NRG4: variants seen among roughly 807,000 people sequenced by gnomAD.
The protein encoded by NRG4 is pro-neuregulin-4, membrane-bound isoform.
In NRG4, 10 loss-of-function variants were observed where a neutral mutation model predicts 15.0. The ratio of observed to expected loss-of-function variants is 0.67; its 90% confidence interval spans 0.41 to 1.13. NRG4 has a LOEUF of 1.13. NRG4 is among the 50% of genes most tolerant of loss of function. The pLI, the probability that NRG4 is intolerant of heterozygous loss-of-function variation, is 0.00. For synonymous variants in NRG4, 41 were observed against 50.1 expected, an observed-to-expected ratio of 0.82 and a Z score of 0.77; for missense variants, 139 against 140.2, an observed-to-expected ratio of 0.99 and a Z score of 0.04.
rs376329611 is a variant in NRG4 at position 76,050,973 on chromosome 15, T to TTTTATTTATTTA, written c.-105+1082_-105+1093dup. Among the ~76,000 whole-genome samples the TTTTATTTATTTA allele has an allele frequency of 2.7e-3, 401 of 147,686 alleles. 23 individuals carry two copies. The highest frequency in any genetic ancestry group is 0.01 in the African/African-American group (389 of 38,818). On this transcript the variant is annotated intron_variant, in intron 4 of 8. Coordinates refer to the NRG4 transcript ENST00000563910. ...GGTGTGTGCCACCATGCCTGCCTAT[T>TTTTATTTATTTA]TTTATTTATTTATTTATTTATTTAT...
At chr15:76,051,029 G>A (rs979221805) in intron 4 of NRG4, among the ~76,000 whole-genome samples, 1 of 147,666 alleles carries the variant, frequency 6.8e-6, no homozygotes, top group African/African-American at 2.6e-5. Context: ...TTTTTGAGAT[G>A]GAGTCTCGCT....
intron 4 of NRG4, among the ~76,000 whole-genome samples, chr15:75,957,764 A>C (rs1409853392): frequency 6.6e-6 from 1 of 151,822 alleles, no homozygotes; most frequent in Non-Finnish European, 1.5e-5. Context: ...ATGCTTCTTG[A>C]CTTCTCTTCA....
At chr15:76,055,638 T>C (rs2036134499) in intron 2 of NRG4, among the ~76,000 whole-genome samples, 2 of 152,084 alleles carry the variant, frequency 1.3e-5, no homozygotes, top group African/African-American at 2.4e-5. Flanking sequence ...TTAATTTCCA[T>C]GTAGAATATA....
At chr15:76,008,158 T>A (rs1250311882) in intron 3 of NRG4, among the ~76,000 whole-genome samples, 1 of 152,168 alleles carries the variant, frequency 6.6e-6, no homozygotes, top group East Asian at 1.9e-4. Flanking sequence ...GTAAATAGAT[T>A]AAAAAAGAAG....
chr15:75,998,960 A>G, intron 3 of NRG4, among the ~76,000 whole-genome samples: 1 of 152,180 alleles, frequency 6.6e-6, no homozygotes, highest in East Asian at 1.9e-4. Context: ...GGTGCAAGGG[A>G]GTGCCGCAAA....
At chr15:76,051,421 G>T (rs1007423585) in intron 4 of NRG4, among the ~76,000 whole-genome samples, 19 of 150,770 alleles carry the variant, frequency 1.3e-4, no homozygotes, top group Admixed American at 6.6e-5. Flanking sequence ...GATTATAGGC[G>T]TGAGTCACTG....
At chr15:76,046,537 A>T (rs1327942569) in intron 4 of NRG4, among the ~76,000 whole-genome samples, 1 of 151,272 alleles carries the variant, frequency 6.6e-6, no homozygotes, top group Non-Finnish European at 1.5e-5. Flanking sequence ...GAGAATCCAG[A>T]TGTAAATCCA....
Position 76,019,590 on chromosome 15 carries a change from TA to T in NRG4, c.-56-8305del, listed in dbSNP as rs564455816. Among the ~76,000 whole-genome samples the T allele has an allele frequency of 1.7e-3, 256 of 152,322 alleles. 2 individuals are homozygous for T. Among genetic ancestry groups the T allele is most frequent in the African/African-American group, 6.0e-3 (250 of 41,574 alleles). ...ACCGTCCCTCATGGCTTCCCTTGGC[TA>T]GGGGGGTAGTTCCCCAATCCCTTGC... On this transcript the variant is annotated intron_variant, in intron 5 of 8. Coordinates refer to the NRG4 transcript ENST00000563910.
At chr15:76,023,346 G>A (rs1416459670) in intron 5 of NRG4, among the ~76,000 whole-genome samples, 1 of 152,150 alleles carries the variant, frequency 6.6e-6, no homozygotes, top group Non-Finnish European at 1.5e-5. Flanking sequence ...AGCCTCTGTG[G>A]CACTGTCTGC....
chr15:76,050,090 A>G (rs750104681), intron 4 of NRG4, among the ~76,000 whole-genome samples: 1 of 150,992 alleles, frequency 6.6e-6, no homozygotes, highest in Non-Finnish European at 1.5e-5. Flanking sequence ...TACCTATTCT[A>G]TCATTAGAAA....
chr15:76,018,154 G>C (rs541543435), intron 5 of NRG4, among the ~76,000 whole-genome samples: 1 of 152,004 alleles, frequency 6.6e-6, no homozygotes, highest in Non-Finnish European at 1.5e-5. Flanking sequence ...TGAAGTTCTC[G>C]TGCTATGTTT....
At chr15:75,989,028 T>A (rs2033907990) in intron 3 of NRG4, among the ~76,000 whole-genome samples, 1 of 151,988 alleles carries the variant, frequency 6.6e-6, no homozygotes, top group Non-Finnish European at 1.5e-5. Context: ...AGCTAATTTT[T>A]AAATTTTTTT....
At position 75,941,448 on chromosome 15, in the gene NRG4, G is replaced by T. The variant is rs1040199760; in HGVS notation, c.*2190C>A. ...GTATATACACAAAATAATTGAAAGC[G>T]GAGGCTTGAGGGTATATTTGTATAC... is the stretch of plus-strand genomic sequence containing the variant. On this transcript the variant is annotated 3_prime_UTR_variant, in exon 6 of 6. Coordinates refer to ENST00000394907, the MANE Select transcript of NRG4 (RefSeq NM_138573.4). 4.6e-5 allele frequency: 7 copies of T among 152,068 alleles called. No homozygotes were observed. The highest frequency in any genetic ancestry group is 1.7e-4 in the African/African-American group (7 of 41,410). The allele number at this position is 152,068 out of a possible 1,614,324, so 9.4% of individuals were successfully genotyped here. A position where few individuals can be genotyped will look rare whatever the true frequency, so the allele number is the denominator to read the frequency against.
chr15:76,044,059 G>T (rs1338326994), intron 4 of NRG4, among the ~76,000 whole-genome samples: 1 of 152,018 alleles, frequency 6.6e-6, no homozygotes, highest in Non-Finnish European at 1.5e-5. Flanking sequence ...CTGCAGTGGC[G>T]CAATCTCGGC....
chr15:75,972,054 T>C (rs149983288), intron 3 of NRG4, among the ~76,000 whole-genome samples: 10 of 152,292 alleles, frequency 6.6e-5, no homozygotes, highest in African/African-American at 2.4e-4. Flanking sequence ...TTTTAATGAT[T>C]GTCATTCTAA....
upstream of NRG4, among the ~76,000 whole-genome samples, chr15:76,014,911 T>C (rs1183934074): frequency 6.6e-6 from 1 of 152,194 alleles, no homozygotes; most frequent in Non-Finnish European, 1.5e-5. Flanking sequence ...GGGGATGGCA[T>C]TGAATCTCTA....
At chr15:76,007,183 G>A (rs1033154653) in intron 3 of NRG4, among the ~76,000 whole-genome samples, 1 of 151,240 alleles carries the variant, frequency 6.6e-6, no homozygotes, top group Non-Finnish European at 1.5e-5. Context: ...TAAAGTTAAG[G>A]AATCATGCTA....
At chr15:76,019,732 T>C (rs1002202765) in intron 5 of NRG4, among the ~76,000 whole-genome samples, 3 of 152,032 alleles carry the variant, frequency 2.0e-5, no homozygotes, top group African/African-American at 4.8e-5. Flanking sequence ...AATGCAGAAA[T>C]CACCCGCCTT....
chr15:76,039,854 C>T (rs912323586), intron 4 of NRG4, among the ~76,000 whole-genome samples: 4 of 152,162 alleles, frequency 2.6e-5, no homozygotes, highest in African/African-American at 9.7e-5. Context: ...TTGAGACCAG[C>T]CTGGCCAACA....
Sources: gnomAD v4.1 joint callset for allele counts (sites outside exome capture counted in the v4.1 genomes callset) on GRCh38, gnomAD v4.1.1 for gene constraint, MANE v1.5 for transcripts, NCBI Gene and HGNC (gene_info 2026-07-23, HGNC 2026-07-21) for gene names.